Variants in BBX observed in about 807,000 individuals in gnomAD.
The protein encoded by BBX is HMG box transcription factor BBX.
Under a neutral mutation model 100.2 loss-of-function variants are expected in BBX, and 30 were observed. The observed-to-expected ratio is 0.30, with a 90% confidence interval of 0.22 to 0.41. BBX has a LOEUF of 0.41. Ranked by LOEUF, BBX falls within the 10% of genes least tolerant of loss-of-function variation. The pLI is 1.00. For synonymous variants in BBX, 376 were observed against 388.1 expected, an observed-to-expected ratio of 0.97 and a Z score of 0.37; for missense variants, 1,023 against 1,129.8, an observed-to-expected ratio of 0.91 and a Z score of 1.35.
At chr3:107,790,191 C>T (rs2068855902) in intron 14 of BBX, among the ~76,000 whole-genome samples, 1 of 152,118 alleles carries the variant, frequency 6.6e-6, no homozygotes, top group Non-Finnish European at 1.5e-5. Flanking sequence ...CATTTATTTT[C>T]TTTGACTATT....
chr3:107,765,191 G>A (rs2066284359), intron 10 of BBX, among the ~76,000 whole-genome samples: 1 of 152,260 alleles, frequency 6.6e-6, no homozygotes, highest in Non-Finnish European at 1.5e-5. Context: ...ATGGCATAAG[G>A]CTCCAGAGGG....
chr3:107,637,978 A>G (rs1180952182), intron 2 of BBX, among the ~76,000 whole-genome samples: 3 of 151,718 alleles, frequency 2.0e-5, no homozygotes, highest in Non-Finnish European at 2.9e-5. Context: ...CAGTGGTGCA[A>G]TCATGGCTCC....
chr3:107,641,109 G>T (rs1288426013), intron 2 of BBX, among the ~76,000 whole-genome samples: 2 of 132,638 alleles, frequency 1.5e-5, no homozygotes, highest in African/African-American at 2.9e-5. Flanking sequence ...TTTTGAGACT[G>T]AATCTCACTC....
At chr3:107,731,669 A>G (rs1467655842) in intron 6 of BBX, among the ~76,000 whole-genome samples, 1 of 149,680 alleles carries the variant, frequency 6.7e-6, no homozygotes, top group African/African-American at 2.5e-5. Flanking sequence ...TCTTCCCCCA[A>G]CCCCTGCCCC....
chr3:107,720,909 ACT>A (rs2062482289), intron 5 of BBX, among the ~76,000 whole-genome samples: 1 of 151,954 alleles, frequency 6.6e-6, no homozygotes, highest in Non-Finnish European at 1.5e-5. Context: ...CAAAGAAAAT[ACT>A]CTCTCATTTA....
chr3:107,797,958 G>A (rs2069925196), intron 15 of BBX, among the ~76,000 whole-genome samples: 1 of 152,204 alleles, frequency 6.6e-6, no homozygotes, highest in Admixed American at 6.5e-5. Flanking sequence ...TCCTTGGCGT[G>A]CTGGCTTCAA....
intron 3 of BBX, among the ~76,000 whole-genome samples, chr3:107,687,588 T>G (rs1465266421): frequency 6.6e-6 from 1 of 152,120 alleles, no homozygotes; most frequent in Non-Finnish European, 1.5e-5. Context: ...GTTTTTCAGC[T>G]TCATCAGTTG....
chr3:107,647,505 A>G (rs900984621), intron 3 of BBX, among the ~76,000 whole-genome samples: 6 of 152,222 alleles, frequency 3.9e-5, no homozygotes, highest in Admixed American at 1.3e-4. Context: ...GATAAAATTT[A>G]AAATGGAACC....
chr3:107,659,371 A>G (rs2058321380), intron 3 of BBX, among the ~76,000 whole-genome samples: 2 of 151,920 alleles, frequency 1.3e-5, no homozygotes, highest in Non-Finnish European at 1.5e-5. Flanking sequence ...TTTATATTAT[A>G]TAATATTTAT....
intron 2 of BBX, among the ~76,000 whole-genome samples, chr3:107,641,094 T>TC (rs1325958403): frequency 1.3e-5 from 2 of 150,456 alleles, no homozygotes; most frequent in East Asian, 3.9e-4. Context: ...TTTCTTTTTT[T>TC]TTTTTTTTGA....
intron 1 of BBX, among the ~76,000 whole-genome samples, chr3:107,525,937 T>A (rs547320808): frequency 1.6e-4 from 25 of 152,302 alleles, no homozygotes; most frequent in African/African-American, 5.5e-4. Context: ...TGCCTATCGA[T>A]CCCTATGATT....
At chr3:107,608,610 G>A (rs549499790) in intron 2 of BBX, among the ~76,000 whole-genome samples, 5 of 152,170 alleles carry the variant, frequency 3.3e-5, no homozygotes, top group African/African-American at 9.6e-5. Flanking sequence ...GAATGTCATT[G>A]CTATTTTGAG....
At position 107,697,150 on chromosome 3, in the gene BBX, C is replaced by T. The variant is rs533376924; in HGVS notation, c.-9-13302C>T. On this transcript the variant is annotated intron_variant, in intron 3 of 17. Coordinates refer to ENST00000325805, the MANE Select transcript of BBX (RefSeq NM_001142568.3). The stretch of plus-strand genomic sequence containing the variant: ...TCTTTGCCTTTGGTGTGAATGTCCT[C>T]CCGTAGCTCGGAGTAATTTGATCGT... Among the ~76,000 whole-genome samples, 30 of 151,878 alleles carry T rather than the reference C, an allele frequency of 2.0e-4. 1 individual carries two copies. Among genetic ancestry groups the T allele is most frequent in the South Asian group, 8.3e-4 (4 of 4,828 alleles).
chr3:107,529,536 T>G (rs921858693), intron 2 of BBX, among the ~76,000 whole-genome samples: 34 of 152,238 alleles, frequency 2.2e-4, no homozygotes, highest in African/African-American at 8.2e-4. Context: ...AGAGAAAGAC[T>G]GAGACTGAAT....
At chr3:107,721,864 T>C (rs1218331893) in intron 5 of BBX, among the ~76,000 whole-genome samples, 1 of 152,040 alleles carries the variant, frequency 6.6e-6, no homozygotes, top group Non-Finnish European at 1.5e-5. Flanking sequence ...TAAGGAAATA[T>C]ATGTACAAGC....
At chr3:107,797,664 G>A (rs555334158) in intron 15 of BBX, among the ~76,000 whole-genome samples, 1 of 152,034 alleles carries the variant, frequency 6.6e-6, no homozygotes, top group Non-Finnish European at 1.5e-5. Flanking sequence ...TTAAGTTAAG[G>A]TCAGGAGGGG....
chr3:107,681,215 G>T lies in BBX; in HGVS notation c.-9-29237G>T, dbSNP rs998459398. On this transcript the variant is annotated intron_variant, in intron 3 of 17. Coordinates refer to ENST00000325805, the MANE Select transcript of BBX (RefSeq NM_001142568.3). ...AGGATTGTTAGCAACCAGAGGTCAC[G>T]TAGAAAATATTTACGTCCACCAAGG... Among the ~76,000 whole-genome samples the T allele has an allele frequency of 2.0e-5, 3 of 152,228 alleles. No individual in the cohort carries two copies. In the East Asian group the frequency reaches 5.8e-4, roughly 29 times the overall value.
At chr3:107,536,167 A>G (rs781315586) in intron 2 of BBX, among the ~76,000 whole-genome samples, 4 of 152,170 alleles carry the variant, frequency 2.6e-5, no homozygotes, top group Non-Finnish European at 4.4e-5. Flanking sequence ...TGAGGAACTT[A>G]TTTCTGCTGT....
chr3:107,614,370 GC>G (rs1274027164), intron 2 of BBX, among the ~76,000 whole-genome samples: 1 of 152,034 alleles, frequency 6.6e-6, no homozygotes, highest in African/African-American at 2.4e-5. Context: ...AATGACAAAG[GC>G]TGTTACTAGA....
Sources: gnomAD v4.1 joint callset for allele counts (sites outside exome capture counted in the v4.1 genomes callset) on GRCh38, gnomAD v4.1.1 for gene constraint, MANE v1.5 for transcripts, NCBI Gene and HGNC (gene_info 2026-07-23, HGNC 2026-07-21) for gene names.